SIK3: variants seen among roughly 807,000 people sequenced by gnomAD.
SIK3 encodes the protein serine/threonine-protein kinase SIK3.
Under a neutral mutation model 144.2 loss-of-function variants are expected in SIK3, and 28 were observed. That is an observed-to-expected ratio of 0.19 (90% CI 0.14 to 0.27). The LOEUF is 0.27. Among genes scored for constraint, SIK3 ranks in the 10% least tolerant of loss-of-function variants. SIK3 has a pLI of 1.00. For synonymous variants in SIK3, 686 were observed against 676.3 expected, an observed-to-expected ratio of 1.01 and a Z score of -0.22; for missense variants, 1,319 against 1,776.0, an observed-to-expected ratio of 0.74 and a Z score of 4.62.
chr11:116,868,154 C>G, intron 14 of SIK3, 65 bp from the exon 15 acceptor site: 2 of 1,542,978 alleles, frequency 1.3e-6, no homozygotes, highest in South Asian at 2.4e-5. Flanking sequence ...CCACAAGAAG[C>G]ATTAGAAGTT....
intron 9 of SIK3, 185 bp from the exon 10 acceptor site, chr11:116,875,636 G>T: frequency 1.3e-6 from 1 of 796,566 alleles, no homozygotes; most frequent in Non-Finnish European, 1.9e-6. Flanking sequence ...CTCATGATTT[G>T]CTATTTCTTC....
At chr11:117,007,738 T>C (rs573724819) in intron 1 of SIK3, among the ~76,000 whole-genome samples, 8 of 152,064 alleles carry the variant, frequency 5.3e-5, no homozygotes, top group Non-Finnish European at 1.0e-4. Flanking sequence ...ACTGTAAGAG[T>C]TCAGAATATG....
intron 3 of SIK3, among the ~76,000 whole-genome samples, chr11:116,944,336 T>C (rs1948466031): frequency 1.3e-5 from 2 of 152,094 alleles, no homozygotes; most frequent in South Asian, 4.1e-4. Flanking sequence ...TAGGCTGGGA[T>C]TCGCCACACC....
intron 1 of SIK3, among the ~76,000 whole-genome samples, chr11:117,067,396 G>A (rs1333449055): frequency 1.3e-5 from 2 of 152,032 alleles, no homozygotes; most frequent in African/African-American, 4.8e-5. Context: ...AACAATAAAT[G>A]AATCTTAAAG....
intron 9 of SIK3, 87 bp from the exon 10 acceptor site, chr11:116,875,538 T>C: frequency 2.1e-6 from 3 of 1,411,924 alleles, no homozygotes. Flanking sequence ...ATTGCTAAAG[T>C]CTATGTTTCC....
intron 13 of SIK3, 51 bp downstream of exon 13, chr11:116,873,430 T>C: frequency 1.9e-6 from 3 of 1,613,702 alleles, no homozygotes; most frequent in Non-Finnish European, 2.5e-6. Context: ...CTCACAACCT[T>C]TTTATCAAAA....
intron 4 of SIK3, among the ~76,000 whole-genome samples, chr11:116,908,338 G>A (rs1946161380): frequency 6.6e-6 from 1 of 152,058 alleles, no homozygotes; most frequent in Non-Finnish European, 1.5e-5. Context: ...AATTAGCCAG[G>A]CATGGTGGTG....
At chr11:116,857,435 C>T (rs1390968445) in intron 21 of SIK3, 1 of 224,052 alleles carries the variant, frequency 4.5e-6, no homozygotes, top group East Asian at 1.2e-4. Flanking sequence ...TTAAGGTGCT[C>T]TGACTCTTGT....
At chr11:117,070,263 T>C (rs1016902883) in intron 1 of SIK3, among the ~76,000 whole-genome samples, 1 of 152,182 alleles carries the variant, frequency 6.6e-6, no homozygotes, top group Non-Finnish European at 1.5e-5. Flanking sequence ...ATAACAAATA[T>C]TAGGCAAACA....
At chr11:116,963,630 C>A (rs976540970) in intron 1 of SIK3, among the ~76,000 whole-genome samples, 1 of 152,140 alleles carries the variant, frequency 6.6e-6, no homozygotes, top group Non-Finnish European at 1.5e-5. Flanking sequence ...TCTATGACAT[C>A]CCTGAATCAA....
Position 116,956,837 on chromosome 11 carries a change from T to C in SIK3, c.390+111A>G, listed in dbSNP as rs1178621759. ...GGTAGGAAAGATAGCAGGATTAACA[T>C]AGAAACAAAAAAAGTCACAGATGTT... On this transcript the variant is annotated intron_variant, in intron 2 of 24. Coordinates refer to ENST00000445177, the MANE Select transcript of SIK3 (RefSeq NM_001366686.3). 14 of 602,808 alleles carry C rather than the reference T, an allele frequency of 2.3e-5. No individual in the cohort carries two copies. In the South Asian group the frequency reaches 3.3e-4, roughly 14 times the overall value. The allele number at this position is 602,808 out of a possible 1,614,324, so 37.3% of individuals were successfully genotyped here. A position where few individuals can be genotyped will look rare whatever the true frequency, so the allele number is the denominator to read the frequency against.
chr11:116,849,046 C>T lies in SIK3; in HGVS notation c.3819+74G>A. 6.8e-7 allele frequency: 1 copy of T among 1,468,634 alleles called. No homozygotes were observed. The highest frequency in any genetic ancestry group is 9.1e-7 in the Non-Finnish European group (1 of 1,097,998). 91.0% of individuals were successfully genotyped at this position (1,468,634 alleles called of 1,614,324 possible). On this transcript the variant is annotated intron_variant, in intron 22 of 24. Coordinates refer to ENST00000445177, the MANE Select transcript of SIK3 (RefSeq NM_001366686.3). This position sits in a 1 kb window ranked among gnomAD's most constrained non-coding sequence, Gnocchi z 4.2. Reference sequence around the variant, plus strand: ...AGGAGAGCGGCCAAGAGAGGCTACCCCACATCACTATACTCTGTTTCAAGG... The same window carrying T: ...AGGAGAGCGGCCAAGAGAGGCTACCTCACATCACTATACTCTGTTTCAAGG...
chr11:116,933,308 T>C (rs1339861831), intron 3 of SIK3, among the ~76,000 whole-genome samples: 4 of 151,898 alleles, frequency 2.6e-5, no homozygotes, highest in Non-Finnish European at 4.4e-5. Flanking sequence ...ACCCGGCTAA[T>C]TTTTGCATTT....
intron 3 of SIK3, among the ~76,000 whole-genome samples, chr11:116,946,998 C>A (rs931893044): frequency 1.3e-5 from 2 of 150,676 alleles, no homozygotes; most frequent in African/African-American, 4.9e-5. Flanking sequence ...GCCTGTAGTC[C>A]CAGCTACTTG....
At chr11:116,861,121 G>A (rs1178192827) in intron 19 of SIK3, among the ~76,000 whole-genome samples, 153 bp downstream of exon 19, 3 of 152,238 alleles carry the variant, frequency 2.0e-5, no homozygotes, top group Non-Finnish European at 4.4e-5. Context: ...GATGGAACCA[G>A]GATGCAAACC....
intron 17 of SIK3, 39 bp downstream of exon 17, chr11:116,862,163 C>G (rs1169371360): frequency 6.2e-7 from 1 of 1,613,936 alleles, no homozygotes; most frequent in Non-Finnish European, 8.5e-7. Flanking sequence ...TGAAAGCAAA[C>G]TCCAAACAAG....
intron 4 of SIK3, among the ~76,000 whole-genome samples, chr11:116,905,777 C>G (rs1013157521): frequency 6.6e-6 from 1 of 152,176 alleles, no homozygotes; most frequent in Non-Finnish European, 1.5e-5. Context: ...GGAGAAATGT[C>G]TATTCAAATC....
At chr11:117,077,127 T>C (rs1400425591) in intron 1 of SIK3, among the ~76,000 whole-genome samples, 4 of 152,200 alleles carry the variant, frequency 2.6e-5, no homozygotes, top group African/African-American at 7.2e-5. Context: ...CACTGCACTC[T>C]GGCCTGGTCA....
chr11:117,035,712 GC>G, intron 1 of SIK3: 1 of 940,090 alleles, frequency 1.1e-6, no homozygotes, highest in South Asian at 1.4e-5. Flanking sequence ...ATGCCACCAT[GC>G]CCGGCTAATT....
Sources: gnomAD v4.1 joint callset for allele counts (sites outside exome capture counted in the v4.1 genomes callset) on GRCh38, gnomAD v4.1.1 for gene constraint, Gnocchi (gnomAD v3.1) non-coding constraint, MANE v1.5 for transcripts, NCBI Gene and HGNC (gene_info 2026-07-23, HGNC 2026-07-21) for gene names.